Variants in SHANK2 observed in about 807,000 individuals in gnomAD.
SHANK2 encodes the protein SH3 and multiple ankyrin repeat domains 2.
A neutral mutation model predicts 133.7 loss-of-function variants in SHANK2; 43 were observed. That is an observed-to-expected ratio of 0.32 (90% CI 0.25 to 0.41). SHANK2 has a LOEUF of 0.41. SHANK2 is among the 10% of genes least tolerant of loss of function. SHANK2 has a pLI of 1.00. For synonymous variants in SHANK2, 1,017 were observed against 952.8 expected (o/e 1.07, Z -1.24); for missense variants, 1,994 against 2,235.8 (o/e 0.89, Z 2.18).
intron 10 of SHANK2, among the ~76,000 whole-genome samples, chr11:70,917,506 G>A (rs115442025): frequency 0.013 from 1,931 of 152,266 alleles, 40 homozygotes; most frequent in African/African-American, 0.043. Context: ...CCATTACGGG[G>A]TATATACACA....
At chr11:70,674,934 T>C (rs1372264103) in intron 15 of SHANK2, among the ~76,000 whole-genome samples, 5 of 152,242 alleles carry the variant, frequency 3.3e-5, no homozygotes, top group Non-Finnish European at 7.3e-5. Context: ...ACACAAATAA[T>C]ACATGTACAT....
intron 3 of SHANK2, among the ~76,000 whole-genome samples, chr11:71,131,198 T>C (rs1952298082): frequency 6.6e-6 from 1 of 152,198 alleles, no homozygotes; most frequent in Non-Finnish European, 1.5e-5. Flanking sequence ...ATTATCCAAA[T>C]GAAATAATAC....
At chr11:70,831,468 C>T (rs1427325201) in intron 11 of SHANK2, among the ~76,000 whole-genome samples, 1 of 152,142 alleles carries the variant, frequency 6.6e-6, no homozygotes, top group African/African-American at 2.4e-5. Flanking sequence ...CTTGGTGCTT[C>T]GTGAGCCAGT....
Position 71,092,433 on chromosome 11 carries a change from C to A in SHANK2, c.901G>T (p.Glu301Ter). 6.4e-7 allele frequency: 1 copy of A among 1,551,266 alleles called. No homozygotes were observed. The highest frequency in any genetic ancestry group is 8.7e-7 in the Non-Finnish European group (1 of 1,146,868). ...VCCKDENGWH[E>*]IHQACRYGHV... ...GCGGGCCCACGTACCTGGTGGATCT[C>A]GTGCCAGCCGTTCTCATCTTTGCAG... is the stretch of plus-strand genomic sequence containing the variant. Residue 301 changes from glutamate to a stop codon, truncating the protein, a stop_gained, in exon 8 of 26, where the codon GAG (glutamate) becomes TAG (stop). Transcript: ENST00000601538. LOFTEE classifies it high-confidence loss of function.
intron 14 of SHANK2, among the ~76,000 whole-genome samples, chr11:70,781,580 A>ATATT (rs1947496508): frequency 7.9e-6 from 1 of 126,270 alleles, no homozygotes; most frequent in African/African-American, 3.0e-5. Flanking sequence ...ATATATATAT[A>ATATT]TATTTACTTA....
At chr11:70,548,510 C>T (rs189019986) in intron 17 of SHANK2, among the ~76,000 whole-genome samples, 277 of 152,258 alleles carry the variant, frequency 1.8e-3, no homozygotes, top group Non-Finnish European at 2.9e-3. Context: ...GGCTGGCCGG[C>T]GCCTGTGCCC....
At chr11:70,611,569 A>G (rs1365782593) in intron 17 of SHANK2, among the ~76,000 whole-genome samples, 2 of 152,250 alleles carry the variant, frequency 1.3e-5, no homozygotes, top group Non-Finnish European at 2.9e-5. Flanking sequence ...TGGGACAGAA[A>G]CAGAGGGTGT....
At chr11:71,192,861 A>C (rs1043843072) in intron 2 of SHANK2, among the ~76,000 whole-genome samples, 1 of 152,234 alleles carries the variant, frequency 6.6e-6, no homozygotes, top group Non-Finnish European at 1.5e-5. Context: ...ATGCCTGCTT[A>C]ATTGCATCGC....
intron 1 of SHANK2, among the ~76,000 whole-genome samples, chr11:71,249,759 G>A (rs1296494837): frequency 4.6e-5 from 7 of 152,196 alleles, no homozygotes; most frequent in African/African-American, 1.4e-4. Context: ...CTAAAGCACT[G>A]CCTTCCTATA....
chr11:71,155,140 C>T lies in SHANK2; in HGVS notation c.-12-7802G>A, dbSNP rs566076650. Among the ~76,000 whole-genome samples the T allele has an allele frequency of 1.0e-3, 92 of 91,472 alleles. 2 individuals carry two copies. The highest frequency in any genetic ancestry group is 1.8e-3 in the Non-Finnish European group (81 of 45,738). 60.0% of individuals were successfully genotyped at this position (91,472 alleles called of 152,430 possible). On this transcript the variant is annotated intron_variant, in intron 2 of 25. Coordinates refer to ENST00000601538, the MANE Select transcript of SHANK2 (RefSeq NM_012309.5). ...GGAGGGGTGGACCTACCCCAGCCCACGCTCCCGGAGGAGGAGTGGACCTAC... is the reference window on the plus strand; with the variant it reads ...GGAGGGGTGGACCTACCCCAGCCCATGCTCCCGGAGGAGGAGTGGACCTAC...
At chr11:71,178,485 A>G (rs1953487188) in intron 2 of SHANK2, among the ~76,000 whole-genome samples, 1 of 152,242 alleles carries the variant, frequency 6.6e-6, no homozygotes, top group African/African-American at 2.4e-5. Context: ...ATGACAAAAG[A>G]AAGTTTTGGG....
intron 17 of SHANK2, among the ~76,000 whole-genome samples, chr11:70,593,211 T>C (rs2060350807): frequency 6.6e-6 from 1 of 152,220 alleles, no homozygotes; most frequent in Non-Finnish European, 1.5e-5. Context: ...CTTATTATAT[T>C]CTATAATTTC....
intron 6 of SHANK2, among the ~76,000 whole-genome samples, chr11:71,107,196 C>G (rs1209235020): frequency 1.3e-5 from 2 of 152,176 alleles, no homozygotes; most frequent in Non-Finnish European, 2.9e-5. Context: ...AACCTCTATG[C>G]GTGGTCACCA....
At chr11:71,154,444 C>T (rs558345403) in intron 2 of SHANK2, among the ~76,000 whole-genome samples, 1 of 152,296 alleles carries the variant, frequency 6.6e-6, no homozygotes, top group African/African-American at 2.4e-5. Context: ...GAAGGGGAGG[C>T]CAGCCGGGCA....
chr11:70,616,830 C>T (rs1231654120), intron 17 of SHANK2, among the ~76,000 whole-genome samples: 13 of 152,116 alleles, frequency 8.5e-5, no homozygotes, highest in Admixed American at 2.0e-4. Flanking sequence ...GGGGAGCCTG[C>T]GGGGCGTCCC....
intron 14 of SHANK2, among the ~76,000 whole-genome samples, chr11:70,730,191 C>T (rs917277025): frequency 4.8e-4 from 71 of 148,484 alleles, no homozygotes; most frequent in Admixed American, 1.3e-3. Flanking sequence ...GCCCCAGGAG[C>T]TGGCACAGGT....
intron 14 of SHANK2, among the ~76,000 whole-genome samples, chr11:70,766,029 G>A (rs1210100336): frequency 2.0e-5 from 3 of 152,196 alleles, no homozygotes; most frequent in Non-Finnish European, 4.4e-5. Context: ...AGGTTATCTG[G>A]AATAAAGCCA....
chr11:70,810,521 T>C (rs1288113351), intron 12 of SHANK2, among the ~76,000 whole-genome samples: 3 of 152,220 alleles, frequency 2.0e-5, no homozygotes, highest in Non-Finnish European at 2.9e-5. Flanking sequence ...CCTCCTCTCC[T>C]TGAACTTCCC....
chr11:70,648,855 T>C (rs1565212538), intron 17 of SHANK2, among the ~76,000 whole-genome samples: 1 of 152,154 alleles, frequency 6.6e-6, no homozygotes, highest in South Asian at 2.1e-4. Context: ...GGAATATTTA[T>C]TGGTGGCCTG....
Sources: allele counts gnomAD v4.1 joint callset (sites outside exome capture counted in the v4.1 genomes callset), GRCh38; gene constraint gnomAD v4.1.1; transcripts MANE v1.5; gene names NCBI Gene and HGNC (gene_info 2026-07-23, HGNC 2026-07-21).